ZNF696: variants seen among roughly 807,000 people sequenced by gnomAD.
The protein encoded by ZNF696 is zinc finger protein 696.
A neutral mutation model predicts 12.3 loss-of-function variants in ZNF696; 10 were observed. That is an observed-to-expected ratio of 0.81 (90% CI 0.50 to 1.38). The LOEUF (loss-of-function observed/expected upper bound fraction) is 1.38. Among genes scored for constraint, ZNF696 ranks in the 40% most tolerant of loss-of-function variants. The pLI, the probability that ZNF696 is intolerant of heterozygous loss-of-function variation, is 0.00. For synonymous variants in ZNF696, 304 were observed against 243.9 expected, an observed-to-expected ratio of 1.25 and a Z score of -2.29; for missense variants, 675 against 554.7, an observed-to-expected ratio of 1.22 and a Z score of -2.18.
intron 1 of ZNF696, chr8:143,292,106 C>T (rs530851128): frequency 6.6e-6 from 1 of 152,228 alleles, no homozygotes; most frequent in South Asian, 2.1e-4. Flanking sequence ...TACAGACGCC[C>T]ACCATCACAC....
At chr8:143,295,339 C>A (rs1370701844) in intron 2 of ZNF696, 1 of 466,264 alleles carries the variant, frequency 2.1e-6, no homozygotes, top group Non-Finnish European at 4.2e-6. Flanking sequence ...CGTTTAGCCT[C>A]GTTTCTGTTT....
In ZNF696 at chr8:143,296,668, G is replaced by A; in HGVS notation, c.993G>A (p.Arg331=). The change falls in exon 3 of 3, where the codon CGG becomes CGA. Residue 331 remains arginine, a synonymous_variant. Coordinates refer to ENST00000330143, the MANE Select transcript of ZNF696 (RefSeq NM_030895.3). ...GCGGCCACTGCGGGCGCGCGTTCCG[G>A]GCGCTGTCGGGCTTCTTCCGGCACC... is the stretch of plus-strand genomic sequence containing the variant. The part of the protein sequence containing the change: ...HQCGHCGRAF[R]ALSGFFRHQR... The A allele has an allele frequency of 9.6e-6, 15 of 1,570,050 alleles. No individual in the cohort carries two copies. Among genetic ancestry groups the A allele is most frequent in the Non-Finnish European group, 1.2e-5 (14 of 1,165,538 alleles).
In ZNF696 at chr8:143,295,819, T is replaced by C; in HGVS notation, c.144T>C (p.Pro48=). ...AEVQAAQSTE[P]AAEAGAPEGE... ...TGCAGGCAGCTCAGAGCACGGAGCC[T>C]GCCGCAGAGGCAGGCGCTCCCGAGG... The change falls in exon 3 of 3, where the codon CCT becomes CCC. Residue 48 remains proline, a synonymous_variant. Coordinates refer to ENST00000330143, the MANE Select transcript of ZNF696 (RefSeq NM_030895.3). The C allele has an allele frequency of 6.3e-7, 1 of 1,598,704 alleles. No individual in the cohort carries two copies. The highest frequency in any genetic ancestry group is 8.5e-7 in the Non-Finnish European group (1 of 1,173,610).
chr8:143,296,983 G>A lies in ZNF696; in HGVS notation c.*183G>A. 1.7e-6 allele frequency: 1 copy of A among 572,994 alleles called. No homozygotes were observed. The highest frequency in any genetic ancestry group is 2.7e-6 in the Non-Finnish European group (1 of 366,778). 35.5% of individuals were successfully genotyped at this position (572,994 alleles called of 1,614,324 possible). On this transcript the variant is annotated 3_prime_UTR_variant, in exon 3 of 3. Coordinates refer to ENST00000330143, the MANE Select transcript of ZNF696 (RefSeq NM_030895.3). ...GCTTGGGAGCAATCAGGAGAGACAG[G>A]GCTCGGGGAAGGCGAGCGCTGCCCG...
rs1815711438 is a variant in ZNF696, at chr8:143,296,276, C to T, written c.601C>T (p.Arg201Cys). The change falls in exon 3 of 3, where the codon CGC becomes TGC. Residue 201 changes from arginine (R) to cysteine (C), a missense_variant. Transcript: ENST00000330143. ...GAGCTTCAACCTCCTCCGGCACCAG[C>T]GCGTGCACACGGGCGAGAAGCCCTA... ...GQSFNLLRHQRVHTGEKPYAC... is the reference protein window; with the variant it reads ...GQSFNLLRHQCVHTGEKPYAC... 1.9e-6 allele frequency: 3 copies of T among 1,598,906 alleles called. No homozygotes were observed. The highest frequency in any genetic ancestry group is 2.6e-6 in the Non-Finnish European group (3 of 1,176,192).
At chr8:143,294,858 G>C (rs993249770) in intron 2 of ZNF696, among the ~76,000 whole-genome samples, 13 of 152,072 alleles carry the variant, frequency 8.5e-5, no homozygotes, top group Admixed American at 7.9e-4. Context: ...AGGAGGCTCA[G>C]GTGGGAGGAG....
chr8:143,296,413 C>T lies in ZNF696; in HGVS notation c.738C>T (p.Phe246=), dbSNP rs937593961. Residue 246 remains phenylalanine (F), a synonymous_variant, in exon 3 of 3, where the codon TTC becomes TTT. Coordinates refer to ENST00000330143, the MANE Select transcript of ZNF696 (RefSeq NM_030895.3). ...CGTGCGGCGAGTGCGGGAAGCGCTTCCTGCACAGCTCGAACGTGGTCCGGC... is the reference window on the plus strand; with the variant it reads ...CGTGCGGCGAGTGCGGGAAGCGCTTTCTGCACAGCTCGAACGTGGTCCGGC... ...LYACGECGKR[F]LHSSNVVRHR... The T allele has an allele frequency of 1.2e-6, 2 of 1,602,878 alleles. No homozygotes were observed. Among genetic ancestry groups the T allele is most frequent in the Non-Finnish European group, 1.7e-6 (2 of 1,177,010 alleles).
chr8:143,296,357 C>T lies in ZNF696; in HGVS notation c.682C>T (p.Arg228Cys). 6.3e-7 allele frequency: 1 copy of T among 1,593,212 alleles called. No homozygotes were observed. The highest frequency in any genetic ancestry group is 1.7e-4 in the Middle Eastern group (1 of 6,018). ...CCAGAGGTCGGACGCCGCCAAGCACCGCCGCACCCACACCGGGGAGAGGCT... is the reference window on the plus strand; with the variant it reads ...CCAGAGGTCGGACGCCGCCAAGCACTGCCGCACCCACACCGGGGAGAGGCT... ...FGQRSDAAKH[R>C]RTHTGERLYA... Residue 228 changes from arginine (R) to cysteine (C), a missense_variant, in exon 3 of 3, where the codon CGC becomes TGC. Physicochemically the swap from Arg to Cys is radical, Grantham distance 180. Coordinates refer to ENST00000330143, the MANE Select transcript of ZNF696 (RefSeq NM_030895.3).
chr8:143,293,819 C>T (rs553988814), intron 2 of ZNF696, among the ~76,000 whole-genome samples: 6 of 152,254 alleles, frequency 3.9e-5, no homozygotes, highest in African/African-American at 1.4e-4. Flanking sequence ...TTCTGCAGGC[C>T]GCCCTGAGCG....
chr8:143,296,401 CG>C lies in ZNF696; in HGVS notation c.729del (p.Lys244SerfsTer117), dbSNP rs756235962. On this transcript the variant is annotated frameshift_variant, in exon 3 of 3. Transcript: ENST00000330143. LOFTEE classifies it high-confidence loss of function. ...GERLYACGEC[G>X]KRFLHSSNVV... ...AGAGGCTGTACGCGTGCGGCGAGTG[CG>C]GGAAGCGCTTCCTGCACAGCTCGAA... 1.3e-6 allele frequency: 2 copies of C among 1,595,512 alleles called. No individual in the cohort carries two copies. Among genetic ancestry groups the C allele is most frequent in the African/African-American group, 2.7e-5 (2 of 74,484 alleles).
At position 143,295,786 on chromosome 8, in the gene ZNF696, A is replaced by G; in HGVS notation, c.111A>G (p.Ser37=). Residue 37 remains serine (S), a synonymous_variant, in exon 3 of 3, where the codon TCA becomes TCG. Coordinates refer to ENST00000330143, the MANE Select transcript of ZNF696 (RefSeq NM_030895.3). The part of the protein sequence containing the change: ...FLAQAPSGSR[S]AEVQAAQSTE... Reference sequence around the variant, plus strand: ...CGCAGGCCCCGAGTGGCAGCCGGTCAGCCGAGGTGCAGGCAGCTCAGAGCA... The same window carrying G: ...CGCAGGCCCCGAGTGGCAGCCGGTCGGCCGAGGTGCAGGCAGCTCAGAGCA... 1.9e-6 allele frequency: 3 copies of G among 1,604,596 alleles called. No individual in the cohort carries two copies. The highest frequency in any genetic ancestry group is 2.5e-6 in the Non-Finnish European group (3 of 1,176,822).
At chr8:143,295,105 C>T (rs752216081) in intron 2 of ZNF696, among the ~76,000 whole-genome samples, 13 of 152,134 alleles carry the variant, frequency 8.5e-5, no homozygotes, top group South Asian at 2.1e-4. Context: ...GAAGGACAGA[C>T]AGAAGGCAGA....
In ZNF696 at chr8:143,296,045, C is replaced by T. The variant is rs755815688; in HGVS notation, c.370C>T (p.Pro124Ser). 1 of 1,593,454 alleles carries T rather than the reference C, an allele frequency of 6.3e-7. No individual in the cohort carries two copies. ...GGGCGGGGGCAGCTGGAAGGGGCGGCCTTTCCCGTGCGGCGCCTGTGGCCG... is the reference window on the plus strand; with the variant it reads ...GGGCGGGGGCAGCTGGAAGGGGCGGTCTTTCCCGTGCGGCGCCTGTGGCCG... Reference protein sequence around the residue: ...AEGGGSWKGRPFPCGACGRSF... With the variant: ...AEGGGSWKGRSFPCGACGRSF... The change falls in exon 3 of 3, where the codon CCT becomes TCT. Residue 124 changes from proline to serine, a missense_variant. By Grantham distance (74) the Pro-to-Ser change is moderately conservative. Transcript: ENST00000330143.
intron 2 of ZNF696, among the ~76,000 whole-genome samples, chr8:143,294,524 G>A (rs944301565): frequency 6.6e-6 from 1 of 151,984 alleles, no homozygotes; most frequent in African/African-American, 2.4e-5. Context: ...GGGACTACAG[G>A]TGTGCACCAC....
Position 143,296,649 on chromosome 8 carries a change from ACTGCGGGCG to A in ZNF696, c.976_984del (p.Cys326_Arg328del). The A allele has an allele frequency of 1.9e-6, 3 of 1,581,898 alleles. No individual in the cohort carries two copies. Among genetic ancestry groups the A allele is most frequent in the Non-Finnish European group, 2.6e-6 (3 of 1,171,254 alleles). On this transcript the variant is annotated inframe_deletion, in exon 3 of 3. Coordinates refer to ENST00000330143, the MANE Select transcript of ZNF696 (RefSeq NM_030895.3). Reference sequence around the variant, plus strand: ...GGGGAGAAGCCCCACCAGTGCGGCCACTGCGGGCGCGCGTTCCGGGCGCTGTCGGGCTTC... The same window carrying A: ...GGGGAGAAGCCCCACCAGTGCGGCCACGCGTTCCGGGCGCTGTCGGGCTTC...
At position 143,297,007 on chromosome 8, in the gene ZNF696, C is replaced by T; in HGVS notation, c.*207C>T. On this transcript the variant is annotated 3_prime_UTR_variant, in exon 3 of 3. Transcript: ENST00000330143. ...GGGCTCGGGGAAGGCGAGCGCTGCC[C>T]GCGGGAGGCGATTCCCAGAGGCGGG... The T allele has an allele frequency of 2.1e-6, 1 of 487,184 alleles. No individual in the cohort carries two copies. The highest frequency in any genetic ancestry group is 5.2e-5 in the South Asian group (1 of 19,302). 30.2% of individuals were successfully genotyped at this position (487,184 alleles called of 1,614,324 possible).
Position 143,296,090 on chromosome 8 carries a change from G to A in ZNF696, c.415G>A (p.Asp139Asn), listed in dbSNP as rs774163214. ...TGGCCGCAGCTTCAAGTGCTCCTCGGACGCGGCAAAGCACCGGAGCATCCA... is the reference window on the plus strand; with the variant it reads ...TGGCCGCAGCTTCAAGTGCTCCTCGAACGCGGCAAAGCACCGGAGCATCCA... The part of the protein sequence containing the change: ...ACGRSFKCSS[D>N]AAKHRSIHSG... The change falls in exon 3 of 3, where the codon GAC becomes AAC. Residue 139 changes from aspartate (D) to asparagine (N), a missense_variant. By Grantham distance (23) the Asp-to-Asn change is conservative (BLOSUM62 1). Transcript: ENST00000330143. 8 of 1,603,966 alleles carry A rather than the reference G, an allele frequency of 5.0e-6. No individual in the cohort carries two copies. Among genetic ancestry groups the A allele is most frequent in the Non-Finnish European group, 5.1e-6 (6 of 1,175,050 alleles).
rs1009532284 is a variant in ZNF696, at chr8:143,296,833, C to G, written c.*33C>G. 1 of 1,374,868 alleles carries G rather than the reference C, an allele frequency of 7.3e-7. No homozygotes were observed. The highest frequency in any genetic ancestry group is 3.0e-5 in the East Asian group (1 of 33,274). 85.2% of individuals were successfully genotyped at this position (1,374,868 alleles called of 1,614,324 possible). On this transcript the variant is annotated 3_prime_UTR_variant, in exon 3 of 3. Transcript: ENST00000330143. Reference sequence around the variant, plus strand: ...CTGCGGCGGAAGAGATGCCGGCGGCCTGGTGGGCGCGAGGCCGAGGCCGGG... The same window carrying G: ...CTGCGGCGGAAGAGATGCCGGCGGCGTGGTGGGCGCGAGGCCGAGGCCGGG...
chr8:143,291,839 G>A (rs1815630785), intron 1 of ZNF696, 72 bp downstream of exon 1: 15 of 968,426 alleles, frequency 1.5e-5, no homozygotes, highest in Non-Finnish European at 1.7e-5. Context: ...TAAAAGCGGC[G>A]GGGTCTCGCT....
Sources: allele counts gnomAD v4.1 joint callset (sites outside exome capture counted in the v4.1 genomes callset), GRCh38; gene constraint gnomAD v4.1.1; transcripts MANE v1.5; gene names NCBI Gene and HGNC (gene_info 2026-07-23, HGNC 2026-07-21).